The following SUCLG2 variants were observed in gnomAD, a reference collection of about 807,000 sequenced individuals.
SUCLG2 encodes succinate-CoA ligase GDP-forming subunit beta, also known as succinate--CoA ligase [GDP-forming] subunit beta, mitochondrial.
SUCLG2 carries 42 observed loss-of-function variants against 47.9 expected under a neutral mutation model. The ratio of observed to expected loss-of-function variants is 0.88; its 90% CI spans 0.69 to 1.14. The LOEUF is 1.14. Among genes scored for constraint, SUCLG2 ranks in the 50% most tolerant of loss-of-function variants. SUCLG2 has a pLI of 0.00. For synonymous variants in SUCLG2, 195 were observed against 197.3 expected (o/e 0.99, Z 0.10); for missense variants, 571 against 525.9 (o/e 1.09, Z -0.84).
chr3:67,642,077 T>C (rs560967616), intron 1 of SUCLG2, among the ~76,000 whole-genome samples: 1 of 152,314 alleles, frequency 6.6e-6, no homozygotes, highest in Non-Finnish European at 1.5e-5. Flanking sequence ...TTACCTTCTA[T>C]CTCCTTTAAA....
Position 67,520,478 on chromosome 3 carries a change from A to G in SUCLG2, c.570+4T>C. 6.2e-7 allele frequency: 1 copy of G among 1,613,976 alleles called. No homozygotes were observed. Among genetic ancestry groups the G allele is most frequent in the Non-Finnish European group, 8.5e-7 (1 of 1,179,870 alleles). ...ATAGCAGGTAGCCCGGAATTTAAAC[A>G]TACCTTAAAAATGAGCTCCGGGTTT... is the stretch of plus-strand genomic sequence containing the variant. On this transcript the variant is annotated splice_donor_region_variant and intron_variant, in intron 5 of 10. Transcript: ENST00000307227.
intron 9 of SUCLG2, among the ~76,000 whole-genome samples, chr3:67,425,805 C>T (rs1487183935): frequency 6.6e-6 from 1 of 152,142 alleles, no homozygotes. Context: ...TTGGTGAACT[C>T]TAAAACAGGT....
chr3:67,580,066 T>A (rs1164771652), intron 2 of SUCLG2, among the ~76,000 whole-genome samples: 1 of 152,218 alleles, frequency 6.6e-6, no homozygotes, highest in Non-Finnish European at 1.5e-5. Flanking sequence ...AATATATTTA[T>A]GTTTTATGGT....
At chr3:67,537,862 ATCT>A (rs1411057220) in intron 2 of SUCLG2, among the ~76,000 whole-genome samples, 7 of 152,182 alleles carry the variant, frequency 4.6e-5, no homozygotes, top group Non-Finnish European at 8.8e-5. Flanking sequence ...CCACATAAAC[ATCT>A]TCTTTTGAGA....
rs78441962 is a variant in SUCLG2, at chr3:67,455,562, T to C, written c.1062+40236A>G. Among the ~76,000 whole-genome samples the C allele has an allele frequency of 8.2e-3, 1,245 of 152,264 alleles. 22 individuals are homozygous for C. Among genetic ancestry groups the C allele is most frequent in the African/African-American group, 0.027 (1,142 of 41,536 alleles). On this transcript the variant is annotated intron_variant, in intron 9 of 10. Coordinates refer to ENST00000307227, the MANE Select transcript of SUCLG2 (RefSeq NM_003848.4). ...TATATACTGGCAATGTAAAATAGTT[T>C]TGATGGGGAGAGAATGCAGAAATTA...
chr3:67,482,864 T>C (rs532852639), intron 9 of SUCLG2, among the ~76,000 whole-genome samples: 4 of 152,216 alleles, frequency 2.6e-5, no homozygotes, highest in Admixed American at 1.3e-4. Flanking sequence ...CTGTTTACGA[T>C]CTTCAGGCCT....
At chr3:67,513,415 T>C (rs1705850917) in intron 6 of SUCLG2, among the ~76,000 whole-genome samples, 1 of 152,236 alleles carries the variant, frequency 6.6e-6, no homozygotes, top group East Asian at 1.9e-4. Context: ...AGACCATAAT[T>C]TTTTTGAGCA....
chr3:67,388,452 C>T (rs1702305968), intron 10 of SUCLG2, among the ~76,000 whole-genome samples: 1 of 152,168 alleles, frequency 6.6e-6, no homozygotes, highest in African/African-American at 2.4e-5. Context: ...GGGATACTCA[C>T]TAATATTCAT....
exon 11 of SUCLG2, chr3:67,360,523 A>G: frequency 8.1e-7 from 1 of 1,233,452 alleles, no homozygotes; most frequent in Non-Finnish European, 1.1e-6. Context: ...TCCATTTTCC[A>G]TTTCCATTAG....
chr3:67,581,784 G>A (rs560334349), intron 2 of SUCLG2, among the ~76,000 whole-genome samples: 1 of 152,194 alleles, frequency 6.6e-6, no homozygotes, highest in Non-Finnish European at 1.5e-5. Flanking sequence ...GTACCTACGG[G>A]AGGAAAGAAT....
At chr3:67,600,690 G>C (rs913179082) in intron 2 of SUCLG2, among the ~76,000 whole-genome samples, 17 of 152,204 alleles carry the variant, frequency 1.1e-4, no homozygotes, top group Non-Finnish European at 2.4e-4. Context: ...GAAGTTGGTT[G>C]AGATCTTGCA....
chr3:67,537,570 T>C (rs1321778158), intron 2 of SUCLG2, among the ~76,000 whole-genome samples: 1 of 152,214 alleles, frequency 6.6e-6, no homozygotes, highest in African/African-American at 2.4e-5. Flanking sequence ...TTTATAATCC[T>C]TTGGGTATAC....
At chr3:67,396,863 T>G (rs917806688) in intron 10 of SUCLG2, among the ~76,000 whole-genome samples, 1 of 152,176 alleles carries the variant, frequency 6.6e-6, no homozygotes, top group East Asian at 1.9e-4. Context: ...CAAGGCTGGT[T>G]CAATATACGA....
chr3:67,527,451 T>C (rs1477904244), intron 4 of SUCLG2, among the ~76,000 whole-genome samples: 1 of 152,160 alleles, frequency 6.6e-6, no homozygotes, highest in Admixed American at 6.5e-5. Context: ...GCAACCCAGG[T>C]AGCTAGTTCT....
At chr3:67,382,836 A>G (rs1388129474) in intron 10 of SUCLG2, among the ~76,000 whole-genome samples, 1 of 152,012 alleles carries the variant, frequency 6.6e-6, no homozygotes, top group African/African-American at 2.4e-5. Context: ...CCCCACTGGG[A>G]GAGGGGAATT....
At chr3:67,495,716 C>A in intron 9 of SUCLG2, 82 bp downstream of exon 9, 5 of 1,424,064 alleles carry the variant, frequency 3.5e-6, no homozygotes, top group Non-Finnish European at 3.9e-6. Context: ...GACTTATCAA[C>A]TCTCACCAGG....
At chr3:67,567,228 T>C (rs1255339857) in intron 2 of SUCLG2, among the ~76,000 whole-genome samples, 1 of 151,466 alleles carries the variant, frequency 6.6e-6, no homozygotes, top group African/African-American at 2.4e-5. Context: ...CAATGGAAAC[T>C]TAAAAATACT....
chr3:67,392,272 C>A (rs1252580932), intron 10 of SUCLG2, among the ~76,000 whole-genome samples: 2 of 152,324 alleles, frequency 1.3e-5, no homozygotes, highest in Non-Finnish European at 2.9e-5. Flanking sequence ...CTTTTCCCTG[C>A]AGAACCCCCT....
intron 9 of SUCLG2, among the ~76,000 whole-genome samples, chr3:67,401,722 T>C (rs1559512696): frequency 6.6e-6 from 1 of 152,184 alleles, no homozygotes; most frequent in South Asian, 2.1e-4. Flanking sequence ...TGGCTGTTCA[T>C]GAAGCTGGAG....
Sources: gnomAD v4.1 joint callset for allele counts (sites outside exome capture counted in the v4.1 genomes callset) on GRCh38, gnomAD v4.1.1 for gene constraint, MANE v1.5 for transcripts, NCBI Gene and HGNC (gene_info 2026-07-23, HGNC 2026-07-21) for gene names.